Variants in SH2D7 observed in about 807,000 individuals in gnomAD.
SH2D7 encodes the protein SH2 domain-containing protein 7.
SH2D7 carries 32 observed loss-of-function variants against 40.8 expected under a neutral mutation model. The observed-to-expected ratio is 0.78, with a 90% CI of 0.59 to 1.05. The LOEUF is 1.05. Ranked by LOEUF, SH2D7 falls within the 50% of genes least tolerant of loss-of-function variation. The probability of loss-of-function intolerance (pLI) is 0.00; values close to 1 mark genes in which losing one functional copy is unlikely to be tolerated. For synonymous variants in SH2D7, 195 were observed against 221.5 expected (o/e 0.88, Z 1.06); for missense variants, 559 against 566.6 (o/e 0.99, Z 0.14).
In SH2D7 at chr15:78,098,551, C is replaced by T. The variant is rs371153573; in HGVS notation, c.600C>T (p.Ser200=). Residue 200 remains serine, a synonymous_variant, in exon 4 of 6, where the codon AGC becomes AGT. Coordinates refer to ENST00000328828, the MANE Select transcript of SH2D7 (RefSeq NM_001101404.2). ...PQVSFLHAQK[S]LDVSPRNLSQ... ...TCTCCTTCCTCCATGCACAGAAAAGCCTGGATGTGAGTCCCCGGAACCTCT... is the reference window on the plus strand; with the variant it reads ...TCTCCTTCCTCCATGCACAGAAAAGTCTGGATGTGAGTCCCCGGAACCTCT... The T allele has an allele frequency of 4.3e-6, 7 of 1,613,918 alleles. No individual in the cohort carries two copies. Among genetic ancestry groups the T allele is most frequent in the Non-Finnish European group, 5.1e-6 (6 of 1,179,894 alleles).
In SH2D7 at chr15:78,100,410, G is replaced by A. The variant is rs185058382; in HGVS notation, c.646-489G>A. ...CCTTGAATGCCAAGGTAAAGTACGA[G>A]TCCTAGGCCGGGTGTGGTGGCTCAC... On this transcript the variant is annotated intron_variant, in intron 4 of 5. Coordinates refer to ENST00000328828, the MANE Select transcript of SH2D7 (RefSeq NM_001101404.2). 3.3e-5 allele frequency among the ~76,000 whole-genome samples: 5 copies of A among 152,216 alleles called. 1 individual carries two copies. In the South Asian group the frequency reaches 6.2e-4, roughly 19 times the overall value.
chr15:78,093,579 A>C (rs2073952394), intron 1 of SH2D7, among the ~76,000 whole-genome samples: 1 of 152,258 alleles, frequency 6.6e-6, no homozygotes, highest in African/African-American at 2.4e-5. Context: ...CACCATGTGG[A>C]AAATCTCTGT....
At chr15:78,093,255 A>G (rs1242319423) in intron 1 of SH2D7, among the ~76,000 whole-genome samples, 1 of 152,246 alleles carries the variant, frequency 6.6e-6, no homozygotes, top group South Asian at 2.1e-4. Context: ...AAATCCAGCC[A>G]GTCCTTAGGT....
intron 5 of SH2D7, among the ~76,000 whole-genome samples, chr15:78,102,825 A>G (rs748392329): frequency 6.6e-6 from 1 of 152,050 alleles, no homozygotes; most frequent in South Asian, 2.1e-4. Flanking sequence ...CCCAGAGACA[A>G]TAAAACCTGA....
At chr15:78,099,989 T>C (rs1248094845) in intron 4 of SH2D7, among the ~76,000 whole-genome samples, 1 of 152,214 alleles carries the variant, frequency 6.6e-6, no homozygotes, top group African/African-American at 2.4e-5. Flanking sequence ...CTTCCCCACC[T>C]GCCGTTCTCT....
At chr15:78,091,696 C>A (rs560132346), upstream of SH2D7, among the ~76,000 whole-genome samples, 2 of 152,366 alleles carry the variant, frequency 1.3e-5, no homozygotes, top group East Asian at 3.9e-4. Flanking sequence ...CTATCCCTGC[C>A]TTTCCAGGGG....
chr15:78,101,037 G>A lies in SH2D7; in HGVS notation c.784G>A (p.Gly262Ser), dbSNP rs755599577. ...GCTAGGCTTGGGCACAGAGGGGTCCGGCAGGCATGGGCCAGTTCCAGCTGG... is the reference window on the plus strand; with the variant it reads ...GCTAGGCTTGGGCACAGAGGGGTCCAGCAGGCATGGGCCAGTTCCAGCTGG... ...ARLGLGTEGS[G>S]RHGPVPAGSQ... Residue 262 changes from glycine (G) to serine (S), a missense_variant, in exon 5 of 6, where the codon GGC (glycine) becomes AGC (serine). Coordinates refer to ENST00000328828, the MANE Select transcript of SH2D7 (RefSeq NM_001101404.2). 8.1e-6 allele frequency: 13 copies of A among 1,610,356 alleles called. No homozygotes were observed. The highest frequency in any genetic ancestry group is 2.2e-5 in the East Asian group (1 of 44,888).
Position 78,103,520 on chromosome 15 carries a change from C to A in SH2D7, c.*5C>A. 6.4e-7 allele frequency: 1 copy of A among 1,562,710 alleles called. No individual in the cohort carries two copies. On this transcript the variant is annotated 3_prime_UTR_variant, in exon 6 of 6. Coordinates refer to ENST00000328828, the MANE Select transcript of SH2D7 (RefSeq NM_001101404.2). ...TACAGGAAGCACAAATTCTGAGGGC[C>A]TGGCATCCGGCAGCCCACCAGTGGG...
chr15:78,102,467 C>A (rs370233745), intron 5 of SH2D7, among the ~76,000 whole-genome samples: 1 of 152,084 alleles, frequency 6.6e-6, no homozygotes, highest in Non-Finnish European at 1.5e-5. Flanking sequence ...TGCTAGACAC[C>A]CTCTCCTGCT....
chr15:78,093,478 G>A (rs2073951761), intron 1 of SH2D7, among the ~76,000 whole-genome samples: 1 of 152,194 alleles, frequency 6.6e-6, no homozygotes, highest in Non-Finnish European at 1.5e-5. Context: ...GGTATTTGGT[G>A]AGTAAGTGAG....
At position 78,103,669 on chromosome 15, in the gene SH2D7, C is replaced by A; in HGVS notation, c.*154C>A. Reference sequence around the variant, plus strand: ...CTAGGCTCCGAGACAGCCGAGGTGCCTGCCTGAGAGCAGGTGGAAGAGGAC... The same window carrying A: ...CTAGGCTCCGAGACAGCCGAGGTGCATGCCTGAGAGCAGGTGGAAGAGGAC... On this transcript the variant is annotated 3_prime_UTR_variant, in exon 6 of 6. Coordinates refer to ENST00000328828, the MANE Select transcript of SH2D7 (RefSeq NM_001101404.2). 1 of 920,450 alleles carries A rather than the reference C, an allele frequency of 1.1e-6. No individual in the cohort carries two copies. The highest frequency in any genetic ancestry group is 1.6e-6 in the Non-Finnish European group (1 of 622,128). 57.0% of individuals were successfully genotyped at this position (920,450 alleles called of 1,614,324 possible).
Position 78,101,020 on chromosome 15 carries a change from T to G in SH2D7, c.767T>G (p.Leu256Trp), listed in dbSNP as rs2074010838. Residue 256 changes from leucine (L) to tryptophan (W), a missense_variant, in exon 5 of 6, where the codon TTG becomes TGG. Transcript: ENST00000328828. ...LRRMNQARLG[L>W]GTEGSGRHGP... ...AGGATGAACCAGGCACGGCTAGGCT[T>G]GGGCACAGAGGGGTCCGGCAGGCAT... is the stretch of plus-strand genomic sequence containing the variant. 9 of 1,613,204 alleles carry G rather than the reference T, an allele frequency of 5.6e-6. No individual in the cohort carries two copies. In the East Asian group the frequency reaches 2.0e-4, roughly 36 times the overall value.
At chr15:78,095,542 G>C (rs1388015776) in intron 2 of SH2D7, among the ~76,000 whole-genome samples, 1 of 152,242 alleles carries the variant, frequency 6.6e-6, no homozygotes, top group Non-Finnish European at 1.5e-5. Flanking sequence ...TTCCGTGGGG[G>C]AAAGGCTTGT....
Position 78,098,455 on chromosome 15 carries a change from AC to A in SH2D7, c.506del (p.Pro169LeufsTer35). 6.2e-7 allele frequency: 1 copy of A among 1,610,424 alleles called. No homozygotes were observed. Among genetic ancestry groups the A allele is most frequent in the South Asian group, 1.1e-5 (1 of 90,986 alleles). The part of the protein sequence containing the change: ...HQTIVDPENP[P>X]ATAFLTVVPD... ...AGACCATCGTGGACCCAGAAAACCC[AC>A]CTGCCACGGCATTCCTCACAGTGGT... On this transcript the variant is annotated frameshift_variant, in exon 4 of 6. Transcript: ENST00000328828. LOFTEE classifies it high-confidence loss of function.
chr15:78,099,360 TA>T (rs1398710467), intron 4 of SH2D7, among the ~76,000 whole-genome samples: 1 of 152,136 alleles, frequency 6.6e-6, no homozygotes, highest in Non-Finnish European at 1.5e-5. Flanking sequence ...TTACCCAGAC[TA>T]GAGGGCAGTG....
At chr15:78,091,262 C>T (rs556623213), upstream of SH2D7, 5 of 152,284 alleles carry the variant, frequency 3.3e-5, no homozygotes, top group African/African-American at 9.6e-5. Context: ...GAAATGACAA[C>T]AAATCACTTC....
chr15:78,093,143 C>T (rs1214318116), intron 1 of SH2D7, among the ~76,000 whole-genome samples: 5 of 152,334 alleles, frequency 3.3e-5, no homozygotes, highest in African/African-American at 1.2e-4. Context: ...CCCAGGCAAA[C>T]CTGGATGCAT....
intron 4 of SH2D7, 112 bp downstream of exon 4, chr15:78,098,708 G>A (rs929681833): frequency 4.7e-6 from 6 of 1,280,660 alleles, no homozygotes; most frequent in Non-Finnish European, 6.5e-6. Context: ...GGCTGTGGAG[G>A]GTGAGCCAGG....
rs1156889311 is a variant in SH2D7 at position 78,101,301 on chromosome 15, A to G, written c.1048A>G (p.Ile350Val). The stretch of plus-strand genomic sequence containing the variant: ...CTGCTCCCAGGGCAGCTCTGCAGAT[A>G]TCTATGAGTTCATCGGGACAGAAGG... Reference protein sequence around the residue: ...QPCSQGSSADIYEFIGTEGLL... With the variant: ...QPCSQGSSADVYEFIGTEGLL... The change falls in exon 5 of 6, where the codon ATC becomes GTC. Residue 350 changes from isoleucine to valine, a missense_variant. Ile to Val is a conservative substitution (Grantham distance 29). Coordinates refer to ENST00000328828, the MANE Select transcript of SH2D7 (RefSeq NM_001101404.2). The G allele has an allele frequency of 6.2e-7, 1 of 1,613,080 alleles. No individual in the cohort carries two copies. Among genetic ancestry groups the G allele is most frequent in the South Asian group, 1.1e-5 (1 of 91,008 alleles).
Sources: gnomAD v4.1 joint callset for allele counts (sites outside exome capture counted in the v4.1 genomes callset) on GRCh38, gnomAD v4.1.1 for gene constraint, MANE v1.5 for transcripts, NCBI Gene and HGNC (gene_info 2026-07-23, HGNC 2026-07-21) for gene names.